Variants in SLC25A28 observed in about 807,000 individuals in gnomAD.
SLC25A28 encodes the protein mitoferrin-2.
A neutral mutation model predicts 31.9 loss-of-function variants in SLC25A28; 10 were observed. The ratio of observed to expected loss-of-function variants is 0.31; its 90% CI spans 0.19 to 0.53. SLC25A28 has a LOEUF of 0.53. SLC25A28 is among the 20% of genes least tolerant of loss of function. The pLI, the probability that SLC25A28 is intolerant of heterozygous loss-of-function variation, is 0.95. For synonymous variants in SLC25A28, 208 were observed against 203.6 expected (o/e 1.02, Z -0.19); for missense variants, 256 against 490.3 (o/e 0.52, Z 4.51).
At chr10:99,620,633 C>T (rs2034770323), upstream of SLC25A28, 2 of 994,028 alleles carry the variant, frequency 2.0e-6, no homozygotes, top group Non-Finnish European at 2.4e-6. Context: ...ATCTTAGAAG[C>T]TTCTTGTTTA....
At chr10:99,648,240 T>C in the SLC25A28 span, among the ~76,000 whole-genome samples, 1 of 151,782 alleles carries the variant, frequency 6.6e-6, no homozygotes, top group East Asian at 1.9e-4. Context: ...CCTCAAGTAA[T>C]CCACCCTCTG....
At chr10:99,632,165 G>T in the SLC25A28 span, among the ~76,000 whole-genome samples, 8 of 151,826 alleles carry the variant, frequency 5.3e-5, no homozygotes, top group Non-Finnish European at 1.0e-4. Flanking sequence ...CAAAGTGCTG[G>T]GATTACAGGC....
chr10:99,643,166 C>G, the SLC25A28 span, among the ~76,000 whole-genome samples: 1 of 152,048 alleles, frequency 6.6e-6, no homozygotes, highest in Admixed American at 6.6e-5. Flanking sequence ...TGTACCTCTG[C>G]TAGAATTCAG....
chr10:99,617,843 C>T (rs1454635569), intron 1 of SLC25A28: 3 of 924,842 alleles, frequency 3.2e-6, no homozygotes, highest in African/African-American at 3.6e-5. Flanking sequence ...AACAAAAATT[C>T]CAAAGTTTAT....
At chr10:99,652,702 C>T in the SLC25A28 span, among the ~76,000 whole-genome samples, 15 of 152,260 alleles carry the variant, frequency 9.9e-5, no homozygotes, top group Admixed American at 2.6e-4. Flanking sequence ...TCAAGTACTA[C>T]GGGCTTTTAG....
the SLC25A28 span, among the ~76,000 whole-genome samples, chr10:99,627,857 A>C: frequency 7.7e-6 from 1 of 129,708 alleles, no homozygotes; most frequent in Non-Finnish European, 1.6e-5. Context: ...ACCTATTAAC[A>C]ATTCTTACCC....
the SLC25A28 span, among the ~76,000 whole-genome samples, chr10:99,647,961 T>C: frequency 2.0e-5 from 3 of 152,262 alleles, no homozygotes; most frequent in Non-Finnish European, 2.9e-5. Context: ...GTCAGTTTGT[T>C]ATAGGTATGT....
intron 1 of SLC25A28, chr10:99,616,123 A>G: frequency 2.0e-6 from 2 of 985,422 alleles, no homozygotes; most frequent in Non-Finnish European, 1.2e-6. Flanking sequence ...TGAAATATCT[A>G]AGTAAGAATT....
At chr10:99,635,335 T>C in the SLC25A28 span, among the ~76,000 whole-genome samples, 30 of 152,268 alleles carry the variant, frequency 2.0e-4, no homozygotes, top group South Asian at 6.2e-3. Context: ...TAACATTGAA[T>C]GTAAATGGCC....
the SLC25A28 span, among the ~76,000 whole-genome samples, chr10:99,631,374 C>T: frequency 6.6e-6 from 1 of 152,176 alleles, no homozygotes; most frequent in African/African-American, 2.4e-5. Flanking sequence ...GGTAACACAG[C>T]TGGTTAGTGG....
chr10:99,629,800 G>A, the SLC25A28 span, among the ~76,000 whole-genome samples: 3 of 152,226 alleles, frequency 2.0e-5, no homozygotes, highest in Non-Finnish European at 4.4e-5. Context: ...TCAGGGTGAT[G>A]AAATGAGTCA....
the SLC25A28 span, among the ~76,000 whole-genome samples, chr10:99,639,907 T>C: frequency 6.6e-6 from 1 of 152,044 alleles, no homozygotes. Flanking sequence ...TTCAGTTATG[T>C]GTGTACCCAG....
the SLC25A28 span, among the ~76,000 whole-genome samples, chr10:99,649,500 T>G: frequency 2.0e-5 from 3 of 152,224 alleles, no homozygotes; most frequent in Non-Finnish European, 4.4e-5. Context: ...CTTCCTCTAT[T>G]TTCTGAAATA....
the SLC25A28 span, among the ~76,000 whole-genome samples, chr10:99,659,041 T>C: frequency 6.6e-6 from 1 of 151,848 alleles, no homozygotes; most frequent in Non-Finnish European, 1.5e-5. The surrounding 1 kb of genome is among the most constrained non-coding windows in gnomAD (Gnocchi z 4.1). Flanking sequence ...AGGTTTAAGG[T>C]GAGAGAACTG....
chr10:99,612,412 T>G, intron 3 of SLC25A28, 131 bp downstream of exon 3: 1 of 1,001,600 alleles, frequency 1.0e-6, no homozygotes, highest in Non-Finnish European at 1.5e-6. Flanking sequence ...ACCAAAAACA[T>G]GGAGGGAGCA....
the SLC25A28 span, among the ~76,000 whole-genome samples, chr10:99,634,552 T>C: frequency 2.0e-5 from 3 of 152,250 alleles, no homozygotes; most frequent in South Asian, 6.2e-4. Context: ...AATTCAGAAC[T>C]CAAAGACAAG....
chr10:99,653,454 A>G, the SLC25A28 span, among the ~76,000 whole-genome samples: 1 of 152,204 alleles, frequency 6.6e-6, no homozygotes, highest in African/African-American at 2.4e-5. Flanking sequence ...CTTGTTTGCA[A>G]CCTCATGAGA....
At chr10:99,635,788 C>T in the SLC25A28 span, among the ~76,000 whole-genome samples, 5 of 152,012 alleles carry the variant, frequency 3.3e-5, no homozygotes, top group South Asian at 6.2e-4. Flanking sequence ...GCATTTCATG[C>T]GAATGAACAC....
intron 1 of SLC25A28, chr10:99,616,793 T>C (rs776185632): frequency 3.1e-6 from 3 of 963,136 alleles, no homozygotes; most frequent in Non-Finnish European, 3.7e-6. Context: ...CTGTGTGACC[T>C]TGGACAAGTT....
Sources: allele counts gnomAD v4.1 joint callset (sites outside exome capture counted in the v4.1 genomes callset), GRCh38; gene constraint gnomAD v4.1.1; non-coding constraint Gnocchi (gnomAD v3.1); transcripts MANE v1.5; gene names NCBI Gene and HGNC (gene_info 2026-07-23, HGNC 2026-07-21).